SYNE1: variants seen among roughly 807,000 people sequenced by gnomAD.
SYNE1 encodes the protein spectrin repeat containing nuclear envelope protein 1.
In SYNE1, 616 loss-of-function variants were observed where a neutral mutation model predicts 1,111.0. The ratio of observed to expected loss-of-function variants is 0.55; its 90% CI spans 0.52 to 0.59. The LOEUF is 0.59. Ranked by LOEUF, SYNE1 falls within the 20% of genes least tolerant of loss-of-function variation. SYNE1 has a pLI of 0.00. For synonymous variants in SYNE1, 3,855 were observed against 3,825.8 expected (o/e 1.01, Z -0.28); for missense variants, 10,006 against 10,417.0 (o/e 0.96, Z 1.72).
rs773909910 is a variant in SYNE1, at chr6:152,122,433, A to G, written c.*3T>C. 2 of 1,614,130 alleles carry G rather than the reference A, an allele frequency of 1.2e-6. No individual in the cohort carries two copies. On this transcript the variant is annotated 3_prime_UTR_variant, in exon 146 of 146. Coordinates refer to ENST00000367255, the MANE Select transcript of SYNE1 (RefSeq NM_182961.4). ...GCACTTCTGCAGATGGCATCTGCTTAGTTCAGAGTGGAGGAGGGCCATTCG... is the reference window on the plus strand; with the variant it reads ...GCACTTCTGCAGATGGCATCTGCTTGGTTCAGAGTGGAGGAGGGCCATTCG...
In SYNE1 at chr6:152,331,547, C is replaced by T; in HGVS notation, c.13138G>A (p.Ala4380Thr). 1 of 1,614,096 alleles carries T rather than the reference C, an allele frequency of 6.2e-7. No homozygotes were observed. The highest frequency in any genetic ancestry group is 1.1e-5 in the South Asian group (1 of 91,076). ...ALKQSPPPDMAQNLLMDHLAI... is the reference protein window; with the variant it reads ...ALKQSPPPDMTQNLLMDHLAI... ...AGGTGATCCATGAGAAGGTTCTGAGCCATATCTGGAGGAGGGCTCTGCTTA... is the reference window on the plus strand; with the variant it reads ...AGGTGATCCATGAGAAGGTTCTGAGTCATATCTGGAGGAGGGCTCTGCTTA... Residue 4380 changes from alanine to threonine, a missense_variant, in exon 78 of 146, where the codon GCT (alanine) becomes ACT (threonine). Transcript: ENST00000367255.
chr6:152,580,605 G>A (rs1303653757), intron 3 of SYNE1, among the ~76,000 whole-genome samples: 1 of 152,122 alleles, frequency 6.6e-6, no homozygotes, highest in Non-Finnish European at 1.5e-5. Context: ...GTCTAGAATA[G>A]TATTTCTTAG....
At chr6:152,224,795 T>A in intron 116 of SYNE1, 131 bp from the exon 117 acceptor site, 1 of 950,074 alleles carries the variant, frequency 1.1e-6, no homozygotes, top group Admixed American at 2.5e-5. Context: ...CAAACAAAAC[T>A]AAAAAGAAAA....
In SYNE1 at chr6:152,278,096, T is replaced by C. The variant is rs774792690; in HGVS notation, c.18566A>G (p.Asn6189Ser). Residue 6189 changes from asparagine (N) to serine (S), a missense_variant, in exon 98 of 146, where the codon AAC (asparagine) becomes AGC (serine). By Grantham distance (46) the Asn-to-Ser change is conservative. Around this residue, in one of 7 missense-constraint regions of SYNE1, gnomAD observed 2,182 missense variants for 2,287.8 expected, o/e 0.95. Coordinates refer to ENST00000367255, the MANE Select transcript of SYNE1 (RefSeq NM_182961.4). ...LQRALHDKQL[N>S]MQGTAQEKEE... ...AGCGGCTGGAACCCTCACCTGCATG[T>C]TGAGCTGCTTATCATGCAGGGCTCT... is the stretch of plus-strand genomic sequence containing the variant. The C allele has an allele frequency of 2.7e-5, 43 of 1,613,844 alleles. No homozygotes were observed. The South Asian group carries it at 4.3e-4, about 16-fold the overall frequency.
chr6:152,385,712 C>A lies in SYNE1; in HGVS notation c.8614G>T (p.Asp2872Tyr), dbSNP rs1474641769. Residue 2872 changes from aspartate to tyrosine, a missense_variant, in exon 55 of 146, where the codon GAT (aspartate) becomes TAT (tyrosine). Asp to Tyr is a radical substitution (Grantham distance 160). Around this residue, in one of 7 missense-constraint regions of SYNE1, gnomAD observed 4,955 missense variants for 5,017.2 expected, o/e 0.99. Coordinates refer to ENST00000367255, the MANE Select transcript of SYNE1 (RefSeq NM_182961.4). ...ELHRWSDMSG[D>Y]SSATQKKLSK... The stretch of plus-strand genomic sequence containing the variant: ...AACTTTTTCTGGGTGGCTGATGAAT[C>A]TCCAGACATATCTGACCACCGGTGA... The A allele has an allele frequency of 6.2e-7, 1 of 1,613,940 alleles. No individual in the cohort carries two copies. The highest frequency in any genetic ancestry group is 1.7e-5 in the Admixed American group (1 of 59,988).
At chr6:152,179,673 CTTTTTTTTTTTTTTTT>C (rs796260764) in intron 129 of SYNE1, among the ~76,000 whole-genome samples, 66 of 55,108 alleles carry the variant, frequency 1.2e-3, no homozygotes, top group South Asian at 4.5e-3. Context: ...GCTGGATATC[CTTTTTTTTTTTTTTTT>C]TTTTTTTTTT....
rs575889315 is a variant in SYNE1 at position 152,591,764 on chromosome 6, G to A, written c.67+36501C>T. On this transcript the variant is annotated intron_variant, in intron 3 of 145. Transcript: ENST00000367255. ...GCAGACATTCACAAACTGTGCATCT[G>A]AGAAATGCCTAATATCCAGAATCTA... Among the ~76,000 whole-genome samples, 46 of 152,158 alleles carry A rather than the reference G, an allele frequency of 3.0e-4. No individual in the cohort carries two copies. The Middle Eastern group carries it at 0.01, about 34-fold the overall frequency.
At chr6:152,183,100 T>C (rs2068596003) in intron 128 of SYNE1, among the ~76,000 whole-genome samples, 1 of 152,150 alleles carries the variant, frequency 6.6e-6, no homozygotes, top group South Asian at 2.1e-4. Flanking sequence ...CTGAAGAACA[T>C]AATCCTTCCA....
At chr6:152,409,822 G>T in intron 42 of SYNE1, 113 bp from the exon 43 acceptor site, 1 of 1,115,698 alleles carries the variant, frequency 9.0e-7, no homozygotes, top group Non-Finnish European at 1.3e-6. Context: ...CTCATAGACG[G>T]ATTCCTACAT....
chr6:152,338,414 G>A (rs568496354), intron 75 of SYNE1, among the ~76,000 whole-genome samples: 1 of 152,182 alleles, frequency 6.6e-6, no homozygotes, highest in South Asian at 2.1e-4. Flanking sequence ...TTGAGCCCAG[G>A]AGTTCGAGAC....
chr6:152,325,852 C>T (rs1382667475), intron 80 of SYNE1, 106 bp downstream of exon 80: 2 of 1,282,456 alleles, frequency 1.6e-6, no homozygotes, highest in South Asian at 1.3e-5. Flanking sequence ...GCATCCTTAT[C>T]ACATTGAAAA....
intron 6 of SYNE1, among the ~76,000 whole-genome samples, chr6:152,514,215 C>T (rs929369765): frequency 6.6e-6 from 1 of 152,196 alleles, no homozygotes; most frequent in African/African-American, 2.4e-5. Flanking sequence ...ATAGCAAAGA[C>T]TTGGAACCAA....
intron 92 of SYNE1, among the ~76,000 whole-genome samples, chr6:152,301,152 A>T (rs2095147428): frequency 6.6e-6 from 1 of 152,210 alleles, no homozygotes; most frequent in Admixed American, 6.5e-5. Flanking sequence ...TGGACATCTC[A>T]AGTTTCAAAT....
intron 32 of SYNE1, among the ~76,000 whole-genome samples, chr6:152,439,211 C>T (rs1028680242): frequency 2.0e-5 from 3 of 152,130 alleles, no homozygotes; most frequent in Non-Finnish European, 2.9e-5. Context: ...TAACAAGACT[C>T]AAAAGATTCC....
At chr6:152,626,476 A>C (rs920286511) in intron 3 of SYNE1, among the ~76,000 whole-genome samples, 13 of 152,154 alleles carry the variant, frequency 8.5e-5, no homozygotes, top group Non-Finnish European at 1.5e-5. Flanking sequence ...AAACATAGAC[A>C]GTGGAATGGA....
At chr6:152,359,804 C>T (rs1247792585) in intron 64 of SYNE1, among the ~76,000 whole-genome samples, 6 of 151,632 alleles carry the variant, frequency 4.0e-5, no homozygotes, top group Non-Finnish European at 8.8e-5. Context: ...CCATGAAGCC[C>T]CCTTCTCTTT....
At position 152,376,571 on chromosome 6, in the gene SYNE1, C is replaced by T. The variant is rs214955; in HGVS notation, c.9147-13G>A. On this transcript the variant is annotated splice_polypyrimidine_tract_variant and intron_variant, in intron 57 of 145. Transcript: ENST00000367255. The stretch of plus-strand genomic sequence containing the variant: ...TTGCAAACAAAGACTGAAAAGGTGA[C>T]GCAAAAATTTAATGGCAGGAAAAAG... The T allele has an allele frequency of 0.47, 763,402 of 1,611,968 alleles. 182,814 individuals carry two copies. The highest frequency in any genetic ancestry group is 0.59 in the Middle Eastern group (3,604 of 6,060).
chr6:152,543,775 G>C (rs1340576050), intron 3 of SYNE1, among the ~76,000 whole-genome samples: 1 of 152,146 alleles, frequency 6.6e-6, no homozygotes, highest in Non-Finnish European at 1.5e-5. Context: ...TCTATATTTA[G>C]ACATGTTCAG....
Position 152,381,304 on chromosome 6 carries a change from G to C in SYNE1, c.8711C>G (p.Ala2904Gly), listed in dbSNP as rs745348965. 2.5e-6 allele frequency: 4 copies of C among 1,614,112 alleles called. No individual in the cohort carries two copies. Among genetic ancestry groups the C allele is most frequent in the Non-Finnish European group, 3.4e-6 (4 of 1,180,032 alleles). ...AGTTGTGTTCTGTTTCACTTCGGGA[G>C]CCAGCGACTCCACTCTGCTGAGACG... ...ASRLSRVESL[A>G]PEVKQNTTAS... The change falls in exon 56 of 146, where the codon GCT becomes GGT. Residue 2904 changes from alanine (A) to glycine (G), a missense_variant. Physicochemically the swap from Ala to Gly is moderately conservative, Grantham distance 60. Transcript: ENST00000367255.
Sources: gnomAD v4.1 joint callset for allele counts (sites outside exome capture counted in the v4.1 genomes callset) on GRCh38, gnomAD v4.1.1 for gene constraint, gnomAD v4.1.1 regional missense constraint, MANE v1.5 for transcripts, NCBI Gene and HGNC (gene_info 2026-07-23, HGNC 2026-07-21) for gene names.